The following GOLGA4 variants were observed in gnomAD, a reference collection of about 807,000 sequenced individuals.
GOLGA4 encodes the protein golgin A4, also known as golgin subfamily A member 4.
In GOLGA4, 169 loss-of-function variants were observed where a neutral mutation model predicts 265.9. The ratio of observed to expected loss-of-function variants is 0.64; its 90% CI spans 0.56 to 0.72. The LOEUF is 0.72. Among genes scored for constraint, GOLGA4 ranks in the 30% least tolerant of loss-of-function variants. GOLGA4 has a pLI of 0.00. For synonymous variants in GOLGA4, 923 were observed against 855.8 expected (o/e 1.08, Z -1.37); for missense variants, 2,482 against 2,483.4 (o/e 1.00, Z 0.01).
At chr3:37,340,673 T>C (rs1034884458) in intron 20 of GOLGA4, among the ~76,000 whole-genome samples, 2 of 152,220 alleles carry the variant, frequency 1.3e-5, no homozygotes, top group African/African-American at 4.8e-5. Flanking sequence ...GCTTTTTAGA[T>C]TCCACATGTA....
intron 9 of GOLGA4, among the ~76,000 whole-genome samples, chr3:37,300,168 T>G (rs2096889030): frequency 6.6e-6 from 1 of 152,234 alleles, no homozygotes; most frequent in African/African-American, 2.4e-5. Context: ...GGAATGAGTC[T>G]TACCTTTGGT....
rs1046294414 is a variant in GOLGA4 at position 37,315,462 on chromosome 3, CAG to C, written c.1280_1281del (p.Glu427GlyfsTer12). On this transcript the variant is annotated frameshift_variant, in exon 11 of 24. Coordinates refer to ENST00000361924, the MANE Select transcript of GOLGA4 (RefSeq NM_002078.5). LOFTEE classifies it high-confidence loss of function. ...AAAGCTTTGAGTACAGCCCAAAAAA[CAG>C]AGGAAGCACGGAGAAAACTGAAGGC... The C allele has an allele frequency of 6.2e-7, 1 of 1,613,886 alleles. No homozygotes were observed. Among genetic ancestry groups the C allele is most frequent in the East Asian group, 2.2e-5 (1 of 44,858 alleles).
chr3:37,296,300 C>A, intron 7 of GOLGA4, 81 bp downstream of exon 7: 1 of 1,349,200 alleles, frequency 7.4e-7, no homozygotes, highest in Non-Finnish European at 1.0e-6. Flanking sequence ...AATCCCAACA[C>A]TTTGGGAGGC....
At chr3:37,306,640 T>C (rs948420006) in intron 10 of GOLGA4, among the ~76,000 whole-genome samples, 3 of 152,016 alleles carry the variant, frequency 2.0e-5, no homozygotes, top group African/African-American at 7.2e-5. Context: ...TTTTAGTAAA[T>C]TTCCATTTAG....
chr3:37,337,631 A>C (rs760096171), intron 18 of GOLGA4, 35 bp from the exon 19 acceptor site: 2 of 1,403,676 alleles, frequency 1.4e-6, no homozygotes, highest in Admixed American at 3.4e-5. Context: ...AATGAAACCT[A>C]TGTGCATTTC....
At chr3:37,262,933 T>A (rs1473290507) in intron 2 of GOLGA4, among the ~76,000 whole-genome samples, 5 of 152,170 alleles carry the variant, frequency 3.3e-5, no homozygotes, top group African/African-American at 1.2e-4. Flanking sequence ...GACATGTAGT[T>A]GTTGTAATGT....
At chr3:37,288,412 T>G (rs1360745309) in intron 4 of GOLGA4, among the ~76,000 whole-genome samples, 2 of 150,662 alleles carry the variant, frequency 1.3e-5, no homozygotes, top group Non-Finnish European at 3.0e-5. Context: ...CCCGGCCAGC[T>G]TCTTGATTTT....
intron 22 of GOLGA4, among the ~76,000 whole-genome samples, chr3:37,357,241 A>G (rs1348284627): frequency 6.6e-6 from 1 of 152,138 alleles, no homozygotes; most frequent in African/African-American, 2.4e-5. Flanking sequence ...CCCAGAAACA[A>G]TGTTCTACTT....
Position 37,321,593 on chromosome 3 carries a change from G to C in GOLGA4, c.1546-138G>C. On this transcript the variant is annotated intron_variant, in intron 12 of 23. Transcript: ENST00000361924. ...CCTTGTTTCTGCAGACTAGAGCATG[G>C]GAGGAGAGAGATGATGACGTTACCT... is the stretch of plus-strand genomic sequence containing the variant. The C allele has an allele frequency of 4.2e-6, 3 of 719,414 alleles. No homozygotes were observed. The South Asian group carries it at 6.4e-5, about 15-fold the overall frequency. The allele number at this position is 719,414 out of a possible 1,614,324, so 44.6% of individuals were successfully genotyped here. A position where few individuals can be genotyped will look rare whatever the true frequency, so the allele number is the denominator to read the frequency against.
intron 3 of GOLGA4, among the ~76,000 whole-genome samples, chr3:37,284,859 G>T (rs538789947): frequency 4.0e-5 from 6 of 151,848 alleles, no homozygotes; most frequent in Non-Finnish European, 8.8e-5. Flanking sequence ...TAGACATGGC[G>T]TTGCCATTTT....
At chr3:37,358,605 A>C (rs1304994463) in intron 22 of GOLGA4, among the ~76,000 whole-genome samples, 2 of 152,204 alleles carry the variant, frequency 1.3e-5, no homozygotes, top group Non-Finnish European at 2.9e-5. Context: ...AGGATTGTCC[A>C]GGAACCAGAG....
At position 37,266,346 on chromosome 3, in the gene GOLGA4, C is replaced by T. The variant is rs181417752; in HGVS notation, c.162+14862C>T. ...TCCTGAGTGGCTGGGACTACAGGTG[C>T]GCACCACTATGCCTGGCTAATTTTT... On this transcript the variant is annotated intron_variant, in intron 2 of 23. Coordinates refer to ENST00000361924, the MANE Select transcript of GOLGA4 (RefSeq NM_002078.5). Among the ~76,000 whole-genome samples, 294 of 152,076 alleles carry T rather than the reference C, an allele frequency of 1.9e-3. 3 individuals are homozygous for T. Among genetic ancestry groups the T allele is most frequent in the African/African-American group, 6.7e-3 (280 of 41,506 alleles).
At chr3:37,358,808 C>G (rs950215312) in intron 22 of GOLGA4, among the ~76,000 whole-genome samples, 1 of 152,228 alleles carries the variant, frequency 6.6e-6, no homozygotes, top group South Asian at 2.1e-4. Context: ...CACAAAATGC[C>G]CCCATCTCCA....
intron 20 of GOLGA4, among the ~76,000 whole-genome samples, chr3:37,346,541 TTA>T (rs2097056954): frequency 6.6e-6 from 1 of 152,128 alleles, no homozygotes; most frequent in Non-Finnish European, 1.5e-5. Flanking sequence ...CATTATATCT[TTA>T]TGTCACAGTA....
chr3:37,315,017 A>G (rs146575671), intron 10 of GOLGA4, among the ~76,000 whole-genome samples: 40 of 152,346 alleles, frequency 2.6e-4, no homozygotes, highest in Admixed American at 7.8e-4. Context: ...ATAGTGTTAC[A>G]TAATTATTGA....
At chr3:37,255,604 T>A (rs578055684) in intron 2 of GOLGA4, among the ~76,000 whole-genome samples, 2 of 152,324 alleles carry the variant, frequency 1.3e-5, no homozygotes, top group South Asian at 4.1e-4. Flanking sequence ...AACCTTTTTT[T>A]AACTTAATGA....
intron 2 of GOLGA4, 141 bp downstream of exon 2, chr3:37,251,625 CTTTTT>C: frequency 5.2e-5 from 25 of 476,354 alleles, no homozygotes; most frequent in Middle Eastern, 5.7e-4. Context: ...CACAATTGGT[CTTTTT>C]TTTTTTTTTT....
intron 19 of GOLGA4, among the ~76,000 whole-genome samples, chr3:37,339,428 A>T (rs1210361303): frequency 1.3e-5 from 2 of 152,184 alleles, no homozygotes; most frequent in Non-Finnish European, 1.5e-5. Flanking sequence ...GAGTGGAATT[A>T]CTGGATCATA....
intron 2 of GOLGA4, among the ~76,000 whole-genome samples, chr3:37,263,726 A>G (rs1012877839): frequency 6.6e-6 from 1 of 152,218 alleles, no homozygotes; most frequent in African/African-American, 2.4e-5. Flanking sequence ...AGTATGAGAC[A>G]TAGATTGAAA....
Sources: allele counts gnomAD v4.1 joint callset (sites outside exome capture counted in the v4.1 genomes callset), GRCh38; gene constraint gnomAD v4.1.1; transcripts MANE v1.5; gene names NCBI Gene and HGNC (gene_info 2026-07-23, HGNC 2026-07-21).